PRMT7: variants seen among roughly 807,000 people sequenced by gnomAD.
The protein encoded by PRMT7 is protein arginine N-methyltransferase 7.
Under a neutral mutation model 85.4 loss-of-function variants are expected in PRMT7, and 75 were observed. The observed-to-expected ratio is 0.88, with a 90% confidence interval of 0.73 to 1.06. The LOEUF is 1.06. PRMT7 is among the 50% of genes least tolerant of loss of function. The probability of loss-of-function intolerance (pLI) is 0.00; values close to 1 mark genes in which losing one functional copy is unlikely to be tolerated. For missense variants in PRMT7, 868 were observed against 915.2 expected (o/e 0.95, Z 0.67); for synonymous variants, 397 against 359.5 (o/e 1.10, Z -1.18).
At chr16:68,352,678 C>T (rs3785123) in intron 15 of PRMT7, 172,040 of 319,490 alleles carry the variant, frequency 0.54, 47,429 homozygotes, top group East Asian at 0.8. Context: ...ATAAATTAAG[C>T]GTTTCAGAAG....
chr16:68,324,295 C>T (rs2082846419), intron 4 of PRMT7: 1 of 193,752 alleles, frequency 5.2e-6, no homozygotes, highest in Non-Finnish European at 1.1e-5. Context: ...CTGCAATCAA[C>T]TGCCCCTACC....
chr16:68,317,852 AACC>A (rs1292045106), intron 3 of PRMT7, among the ~76,000 whole-genome samples: 2 of 58,050 alleles, frequency 3.4e-5, no homozygotes, highest in East Asian at 7.1e-4. Flanking sequence ...AAAGAAAAAA[AACC>A]ACACACACAC....
At chr16:68,330,614 A>G (rs1325350276) in intron 6 of PRMT7, among the ~76,000 whole-genome samples, 2 of 152,046 alleles carry the variant, frequency 1.3e-5, no homozygotes, top group East Asian at 3.9e-4. Flanking sequence ...TATTTATTTG[A>G]GACAGAGTCT....
chr16:68,313,844 A>G (rs909684415), intron 2 of PRMT7, among the ~76,000 whole-genome samples: 1 of 152,174 alleles, frequency 6.6e-6, no homozygotes, highest in Admixed American at 6.5e-5. Flanking sequence ...CTGACGTAGG[A>G]GGATCGCTTG....
chr16:68,352,360 T>C lies in PRMT7; in HGVS notation c.1526T>C (p.Met509Thr). 6.2e-7 allele frequency: 1 copy of C among 1,610,602 alleles called. No individual in the cohort carries two copies. Among genetic ancestry groups the C allele is most frequent in the Non-Finnish European group, 8.5e-7 (1 of 1,179,792 alleles). Residue 509 changes from methionine to threonine, a missense_variant, in exon 15 of 19, where the codon ATG (methionine) becomes ACG (threonine). Physicochemically the swap from Met to Thr is moderately conservative, Grantham distance 81. Coordinates refer to ENST00000441236, the MANE Select transcript of PRMT7 (RefSeq NM_019023.5). ...GACCAGCACCTGGGGCCAGGTGCCA[T>C]GGTGATGCCCCAGGCAGCCTCGCTG... ...AVDQHLGPGA[M>T]VMPQAASLHA... is the part of the protein sequence containing the mutation.
chr16:68,319,491 T>C (rs2082238100), intron 3 of PRMT7, among the ~76,000 whole-genome samples: 1 of 149,762 alleles, frequency 6.7e-6, no homozygotes, highest in East Asian at 2.0e-4. Flanking sequence ...AGGAAGGTGG[T>C]GAGTGAGATG....
At chr16:68,341,261 G>T (rs550931224) in intron 9 of PRMT7, among the ~76,000 whole-genome samples, 2 of 152,304 alleles carry the variant, frequency 1.3e-5, no homozygotes, top group South Asian at 2.1e-4. Context: ...TGCCTGATGG[G>T]TTCTTCCCAC....
In PRMT7 at chr16:68,357,178, C is replaced by G; in HGVS notation, c.2033C>G (p.Thr678Arg). ...VSYAVEFHPD[T>R]GDIIMEFRHA... ...TATGCAGTGGAGTTTCACCCCGACA[C>G]AGGCGACATCATCATGGAGTTCAGG... Residue 678 changes from threonine to arginine, a missense_variant, in exon 19 of 19, where the codon ACA (threonine) becomes AGA (arginine). Transcript: ENST00000441236. 2 of 1,614,018 alleles carry G rather than the reference C, an allele frequency of 1.2e-6. No homozygotes were observed. The highest frequency in any genetic ancestry group is 1.7e-6 in the Non-Finnish European group (2 of 1,180,008).
chr16:68,347,776 G>C, intron 13 of PRMT7, 98 bp downstream of exon 13: 2 of 1,154,800 alleles, frequency 1.7e-6, no homozygotes, highest in Non-Finnish European at 2.5e-6. Context: ...CAAAGGAGTG[G>C]TGGCTCGCTT....
intron 9 of PRMT7, among the ~76,000 whole-genome samples, chr16:68,342,241 G>A (rs2085655073): frequency 6.6e-6 from 1 of 152,138 alleles, no homozygotes; most frequent in South Asian, 2.1e-4. Context: ...TCACACCACT[G>A]CACTCAAACC....
intron 3 of PRMT7, among the ~76,000 whole-genome samples, chr16:68,317,547 G>A (rs1035113121): frequency 6.6e-5 from 10 of 152,066 alleles, no homozygotes; most frequent in African/African-American, 2.4e-4. Flanking sequence ...CCAAAAACAG[G>A]CTGGGCACAG....
chr16:68,327,134 CTT>C (rs1659587950), intron 5 of PRMT7, among the ~76,000 whole-genome samples: 1 of 152,128 alleles, frequency 6.6e-6, no homozygotes, highest in South Asian at 2.1e-4. Flanking sequence ...CGTAAGTACT[CTT>C]TACGAAAGGA....
At chr16:68,348,522 G>A in intron 14 of PRMT7, 91 bp downstream of exon 14, 1 of 982,138 alleles carries the variant, frequency 1.0e-6, no homozygotes, top group South Asian at 1.6e-5. Flanking sequence ...TGTCCCTGGA[G>A]TCTCACAGTG....
At chr16:68,334,906 C>G (rs867326533) in intron 6 of PRMT7, among the ~76,000 whole-genome samples, 2 of 152,064 alleles carry the variant, frequency 1.3e-5, no homozygotes, top group Non-Finnish European at 1.5e-5. Context: ...AGGCAATTCT[C>G]ATGCCTCAGC....
intron 3 of PRMT7, among the ~76,000 whole-genome samples, chr16:68,320,547 C>T (rs570519476): frequency 7.9e-5 from 12 of 152,204 alleles, no homozygotes; most frequent in Non-Finnish European, 1.5e-4. Flanking sequence ...ACGCCTTAAG[C>T]GAAAGCCGCC....
chr16:68,339,773 A>G lies in PRMT7; in HGVS notation c.747-15A>G. ...AGGTTAAACTCTGCTTACATTCTTG[A>G]ATATTATTCCTCAGCATAGACTTCA... is the stretch of plus-strand genomic sequence containing the variant. On this transcript the variant is annotated splice_polypyrimidine_tract_variant and intron_variant, in intron 8 of 18. Coordinates refer to ENST00000441236, the MANE Select transcript of PRMT7 (RefSeq NM_019023.5). The G allele has an allele frequency of 6.2e-7, 1 of 1,610,540 alleles. No homozygotes were observed. Among genetic ancestry groups the G allele is most frequent in the Non-Finnish European group, 8.5e-7 (1 of 1,176,730 alleles).
chr16:68,339,032 A>T (rs1400342412), intron 7 of PRMT7, among the ~76,000 whole-genome samples: 4 of 152,178 alleles, frequency 2.6e-5, no homozygotes, highest in African/African-American at 9.7e-5. Context: ...CAGAGCCAGG[A>T]TCACCACCCA....
chr16:68,327,813 C>T (rs2083302389), intron 5 of PRMT7, among the ~76,000 whole-genome samples: 1 of 151,482 alleles, frequency 6.6e-6, no homozygotes, highest in African/African-American at 2.4e-5. Flanking sequence ...GTGATCTACG[C>T]CTGTAGTCCC....
Position 68,321,412 on chromosome 16 carries a change from T to C in PRMT7, c.96-14T>C. 1 of 1,601,336 alleles carries C rather than the reference T, an allele frequency of 6.2e-7. No individual in the cohort carries two copies. The highest frequency in any genetic ancestry group is 1.7e-4 in the Middle Eastern group (1 of 6,040). ...GTGTATCATGCAAAGGTTACTGACT[T>C]TTTTGTTTTTTAGGTCATCTTATGC... On this transcript the variant is annotated splice_polypyrimidine_tract_variant and intron_variant, in intron 3 of 18. Coordinates refer to ENST00000441236, the MANE Select transcript of PRMT7 (RefSeq NM_019023.5).
Sources: allele counts gnomAD v4.1 joint callset (sites outside exome capture counted in the v4.1 genomes callset), GRCh38; gene constraint gnomAD v4.1.1; transcripts MANE v1.5; gene names NCBI Gene and HGNC (gene_info 2026-07-23, HGNC 2026-07-21).